PAFAH1B2: variants seen among roughly 807,000 people sequenced by gnomAD.
The protein encoded by PAFAH1B2 is platelet-activating factor acetylhydrolase IB subunit alpha2.
In PAFAH1B2, 8 loss-of-function variants were observed where a neutral mutation model predicts 28.0. The ratio of observed to expected loss-of-function variants is 0.29; its 90% CI spans 0.17 to 0.52. The LOEUF (loss-of-function observed/expected upper bound fraction) is 0.52, where lower values mean the gene tolerates loss of function less well. PAFAH1B2 is among the 20% of genes least tolerant of loss of function. The pLI, the probability that PAFAH1B2 is intolerant of heterozygous loss-of-function variation, is 0.97. For synonymous variants in PAFAH1B2, 104 were observed against 103.2 expected, an observed-to-expected ratio of 1.01 and a Z score of -0.05; for missense variants, 190 against 282.6, an observed-to-expected ratio of 0.67 and a Z score of 2.35.
downstream of PAFAH1B2, among the ~76,000 whole-genome samples, chr11:117,177,102 G>C (rs1232203061): frequency 1.3e-5 from 2 of 152,016 alleles, no homozygotes; most frequent in African/African-American, 4.8e-5. Context: ...CCAGCTACTC[G>C]GGAGACTGAG....
chr11:117,175,551 T>TAAA (rs2029933493), downstream of PAFAH1B2: 25 of 1,108,716 alleles, frequency 2.3e-5, no homozygotes, highest in Non-Finnish European at 2.8e-5. Context: ...GATGGATTTC[T>TAAA]CTCCAGATAT....
exon 6 of PAFAH1B2, chr11:117,176,336 C>G: frequency 3.5e-6 from 1 of 285,916 alleles, no homozygotes; most frequent in Non-Finnish European, 6.5e-6. Flanking sequence ...CCCAGCATAA[C>G]TACAACAGTA....
rs1565274998 is a variant in PAFAH1B2 at position 117,168,445 on chromosome 11, C to CCCTTT, written c.*746_*747insCCTTT. The CCCTTT allele has an allele frequency of 2.8e-6, 1 of 352,460 alleles. No individual in the cohort carries two copies. Among genetic ancestry groups the CCCTTT allele is most frequent in the Non-Finnish European group, 3.4e-6 (1 of 291,818 alleles). 21.8% of individuals were successfully genotyped at this position (352,460 alleles called of 1,614,324 possible). ...TTCCCCTTCATTCCCCCCGCCACCC[C>CCCTTT]GTTTTTTTTTTTTTTTTTTTTTTTT... On this transcript the variant is annotated 3_prime_UTR_variant, in exon 6 of 6. Transcript: ENST00000527958.
rs1450227609 is a variant in PAFAH1B2, at chr11:117,163,793, A to G, written c.312A>G (p.Thr104=). ...AGGTCATTGTTGTCTGGGTAGGAAC[A>G]AATAACCACGAAAATACAGCAGAAG... is the stretch of plus-strand genomic sequence containing the variant. The part of the protein sequence containing the change: ...KPKVIVVWVG[T]NNHENTAEEV... Residue 104 remains threonine (T), a synonymous_variant, in exon 5 of 6, where the codon ACA becomes ACG. Coordinates refer to ENST00000527958, the MANE Select transcript of PAFAH1B2 (RefSeq NM_002572.4). 1 of 1,614,088 alleles carries G rather than the reference A, an allele frequency of 6.2e-7. No individual in the cohort carries two copies. The highest frequency in any genetic ancestry group is 8.5e-7 in the Non-Finnish European group (1 of 1,179,930).
At chr11:117,146,196 A>G (rs990014587) in intron 1 of PAFAH1B2, among the ~76,000 whole-genome samples, 2 of 144,776 alleles carry the variant, frequency 1.4e-5, no homozygotes, top group African/African-American at 5.2e-5. Flanking sequence ...ATCTCTACTC[A>G]CTACAACCTC....
downstream of PAFAH1B2, chr11:117,177,000 G>A (rs2030017268): frequency 6.6e-6 from 1 of 152,022 alleles, no homozygotes; most frequent in African/African-American, 2.4e-5. Context: ...CTGAGGTCAG[G>A]AGTTCGAGAC....
At chr11:117,160,063 T>A in intron 3 of PAFAH1B2, 40 bp downstream of exon 3, 1 of 1,315,226 alleles carries the variant, frequency 7.6e-7, no homozygotes, top group Non-Finnish European at 1.1e-6. Flanking sequence ...TGGCTACTCA[T>A]GTATATCCAT....
Position 117,146,406 on chromosome 11 carries a change from C to T in PAFAH1B2, c.-8+1988C>T, listed in dbSNP as rs139534478. Among the ~76,000 whole-genome samples the T allele has an allele frequency of 3.2e-3, 484 of 152,206 alleles. 4 individuals are homozygous for T. Among genetic ancestry groups the T allele is most frequent in the African/African-American group, 0.011 (449 of 41,526 alleles). ...CCCAAAGTCACTCAGAAGTTTGCGT[C>T]TTACCACTGGGTAGCTCTTAGTTCG... On this transcript the variant is annotated intron_variant, in intron 1 of 5. Transcript: ENST00000527958.
chr11:117,170,860 G>A lies in PAFAH1B2; in HGVS notation c.*3161G>A. 1.9e-6 allele frequency: 2 copies of A among 1,060,688 alleles called. No individual in the cohort carries two copies. The allele number at this position is 1,060,688 out of a possible 1,614,324, so 65.7% of individuals were successfully genotyped here. On this transcript the variant is annotated 3_prime_UTR_variant, in exon 6 of 6. Coordinates refer to ENST00000527958, the MANE Select transcript of PAFAH1B2 (RefSeq NM_002572.4). ...TGGGAGAAGTGAGTTAGGGCCTCTT[G>A]AAAGGAGGCTTTTTGGAGAGGGGTC...
Position 117,168,446 on chromosome 11 carries a change from G to GTT in PAFAH1B2, c.*771_*772dup, listed in dbSNP as rs71469127. 988 of 234,496 alleles carry GTT rather than the reference G, an allele frequency of 4.2e-3. No homozygotes were observed. Among genetic ancestry groups the GTT allele is most frequent in the Middle Eastern group, 0.012 (6 of 504 alleles). The allele number at this position is 234,496 out of a possible 1,614,324, so 14.5% of individuals were successfully genotyped here. On this transcript the variant is annotated 3_prime_UTR_variant, in exon 6 of 6. Transcript: ENST00000527958. ...TCCCCTTCATTCCCCCCGCCACCCCGTTTTTTTTTTTTTTTTTTTTTTTTT... is the reference window on the plus strand; with the variant it reads ...TCCCCTTCATTCCCCCCGCCACCCCGTTTTTTTTTTTTTTTTTTTTTTTTTTT...
chr11:117,147,665 T>C (rs1956046144), intron 1 of PAFAH1B2, among the ~76,000 whole-genome samples: 1 of 152,234 alleles, frequency 6.6e-6, no homozygotes, highest in African/African-American at 2.4e-5. Flanking sequence ...TCAGTAAAAC[T>C]GAAAGCTGCT....
At chr11:117,157,038 AG>A (rs199763004) in intron 2 of PAFAH1B2, among the ~76,000 whole-genome samples, 10,364 of 144,136 alleles carry the variant, frequency 0.072, 543 homozygotes, top group Middle Eastern at 0.12. Flanking sequence ...ATCTCAAAAA[AG>A]AAAAAAAAAA....
rs764905802 is a variant in PAFAH1B2, at chr11:117,152,485, A to G, written c.38A>G (p.His13Arg). The G allele has an allele frequency of 1.2e-6, 2 of 1,613,894 alleles. No individual in the cohort carries two copies. The highest frequency in any genetic ancestry group is 1.3e-5 in the African/African-American group (1 of 74,948). The change falls in exon 2 of 6, where the codon CAT (histidine) becomes CGT (arginine). Residue 13 changes from histidine (H) to arginine (R), a missense_variant. Transcript: ENST00000527958. ...QGDSNPAAIP[H>R]AAEDIQGDDR... ...GACTCAAACCCAGCAGCTATTCCGC[A>G]TGCAGCAGAAGATATTCAAGGAGAT...
At chr11:117,158,206 CTTTCTTTCTTT>C (rs1046434661) in intron 2 of PAFAH1B2, among the ~76,000 whole-genome samples, 12 of 151,918 alleles carry the variant, frequency 7.9e-5, no homozygotes, top group African/African-American at 2.9e-4. Flanking sequence ...TTTCTTTTTT[CTTTCTTTCTTT>C]TCTTCATAGT....
intron 5 of PAFAH1B2, among the ~76,000 whole-genome samples, chr11:117,164,639 C>G (rs1211905296): frequency 6.6e-6 from 1 of 152,166 alleles, no homozygotes; most frequent in African/African-American, 2.4e-5. Flanking sequence ...AAAATGGATA[C>G]TTTATAGTTG....
chr11:117,167,835 G>A lies in PAFAH1B2; in HGVS notation c.*136G>A, dbSNP rs1018829901. ...GATGTTCATATCTAGTGTTTGAAGG[G>A]GAGGAGGGATTTAAACTGGTCCTGT... On this transcript the variant is annotated 3_prime_UTR_variant, in exon 6 of 6. Transcript: ENST00000527958. 7.0e-6 allele frequency: 9 copies of A among 1,277,062 alleles called. No homozygotes were observed. Among genetic ancestry groups the A allele is most frequent in the Non-Finnish European group, 9.0e-6 (9 of 1,005,280 alleles). 79.1% of individuals were successfully genotyped at this position (1,277,062 alleles called of 1,614,324 possible).
intron 1 of PAFAH1B2, among the ~76,000 whole-genome samples, chr11:117,146,049 G>A (rs1374090708): frequency 6.6e-6 from 1 of 151,604 alleles, no homozygotes; most frequent in East Asian, 1.9e-4. Context: ...AGTACAGTCT[G>A]TTGTGGCAAA....
At chr11:117,172,281 A>G (rs570762489), downstream of PAFAH1B2, among the ~76,000 whole-genome samples, 4 of 151,082 alleles carry the variant, frequency 2.6e-5, no homozygotes, top group African/African-American at 9.7e-5. Context: ...ATGTTTTGCT[A>G]AACATATAAT....
intron 1 of PAFAH1B2, among the ~76,000 whole-genome samples, chr11:117,146,312 T>TGAACTCCCGACCTCAAGTG (rs1399432104): frequency 3.9e-5 from 6 of 152,008 alleles, no homozygotes; most frequent in Admixed American, 1.3e-4. Flanking sequence ...AGGCAGGTCT[T>TGAACTCCCGACCTCAAGTG]GAACTCCCGA....
Sources: allele counts gnomAD v4.1 joint callset (sites outside exome capture counted in the v4.1 genomes callset), GRCh38; gene constraint gnomAD v4.1.1; transcripts MANE v1.5; gene names NCBI Gene and HGNC (gene_info 2026-07-23, HGNC 2026-07-21).